The following ITK variants were observed in gnomAD, a reference collection of about 807,000 sequenced individuals.
ITK encodes the protein IL2 inducible T cell kinase.
Under a neutral mutation model 87.6 loss-of-function variants are expected in ITK, and 45 were observed. The ratio of observed to expected loss-of-function variants is 0.51; its 90% CI spans 0.40 to 0.66. ITK has a LOEUF of 0.66. Among genes scored for constraint, ITK ranks in the 30% least tolerant of loss-of-function variants. The probability of loss-of-function intolerance (pLI) is 0.00; values close to 1 mark genes in which losing one functional copy is unlikely to be tolerated. For synonymous variants in ITK, 303 were observed against 273.6 expected, an observed-to-expected ratio of 1.11 and a Z score of -1.06; for missense variants, 605 against 766.3, an observed-to-expected ratio of 0.79 and a Z score of 2.48.
rs369078550 is a variant in ITK, at chr5:157,252,687, G to A, written c.*9G>A. On this transcript the variant is annotated 3_prime_UTR_variant, in exon 17 of 17. Coordinates refer to ENST00000422843, the MANE Select transcript of ITK (RefSeq NM_005546.4). ...CAGAATCAGGACTTTAGTAGAGACT[G>A]AGTACCAGGCCACGGGCTGCAGATC... The A allele has an allele frequency of 5.2e-5, 84 of 1,600,546 alleles. No individual in the cohort carries two copies. The highest frequency in any genetic ancestry group is 8.8e-5 in the South Asian group (8 of 90,828).
At chr5:157,220,416 G>A (rs749822173) in intron 5 of ITK, among the ~76,000 whole-genome samples, 12 of 152,096 alleles carry the variant, frequency 7.9e-5, no homozygotes, top group Admixed American at 1.3e-4. Context: ...GCTTGCTGAG[G>A]GGCCACTAGA....
At chr5:157,214,711 T>A (rs1333585337) in intron 4 of ITK, among the ~76,000 whole-genome samples, 1 of 152,200 alleles carries the variant, frequency 6.6e-6, no homozygotes, top group Non-Finnish European at 1.5e-5. Context: ...TCTATTTAAA[T>A]CTTAATTAAA....
At chr5:157,224,973 G>A (rs77812008) in intron 6 of ITK, among the ~76,000 whole-genome samples, 2,485 of 151,858 alleles carry the variant, frequency 0.016, 28 homozygotes, top group Non-Finnish European at 0.027. Flanking sequence ...ATATATATAT[G>A]ATATATATTT....
intron 1 of ITK, among the ~76,000 whole-genome samples, chr5:157,181,667 C>A (rs1753523668): frequency 6.6e-6 from 1 of 152,170 alleles, no homozygotes; most frequent in Admixed American, 6.6e-5. Context: ...ATTTCCCAGG[C>A]ATTTAATTAT....
intron 5 of ITK, 192 bp from the exon 6 acceptor site, chr5:157,222,671 T>C (rs988804912): frequency 1.6e-6 from 1 of 623,182 alleles, no homozygotes; most frequent in Non-Finnish European, 2.9e-6. Flanking sequence ...GGTCAGAATT[T>C]ACCTCATAGA....
At chr5:157,205,216 A>G (rs1754055511) in intron 1 of ITK, among the ~76,000 whole-genome samples, 1 of 152,198 alleles carries the variant, frequency 6.6e-6, no homozygotes, top group Non-Finnish European at 1.5e-5. Context: ...CCCACTTATC[A>G]GATGTAAAAA....
intron 1 of ITK, among the ~76,000 whole-genome samples, chr5:157,189,748 C>A (rs1251235445): frequency 6.6e-6 from 1 of 152,198 alleles, no homozygotes. Context: ...TAAAACAAGA[C>A]ATGTAAATAT....
In ITK at chr5:157,254,619, A is replaced by T. The variant is rs1056750715; in HGVS notation, c.*1941A>T. ...GTGAAGTGGAGAGCCTCAAGATAAA[A>T]CTCTGTCATTCAGAAGATGATTTTA... On this transcript the variant is annotated 3_prime_UTR_variant, in exon 17 of 17. Transcript: ENST00000422843. 5 of 218,020 alleles carry T rather than the reference A, an allele frequency of 2.3e-5. No homozygotes were observed. Among genetic ancestry groups the T allele is most frequent in the Non-Finnish European group, 2.8e-5 (3 of 108,616 alleles). The allele number at this position is 218,020 out of a possible 1,614,324, so 13.5% of individuals were successfully genotyped here.
At chr5:157,196,878 A>AG (rs2113743561) in intron 1 of ITK, among the ~76,000 whole-genome samples, 1 of 152,318 alleles carries the variant, frequency 6.6e-6, no homozygotes, top group Non-Finnish European at 1.5e-5. Context: ...TCTGGGAGGA[A>AG]GGTCTTTGAA....
At chr5:157,252,252 C>T (rs1423340970) in intron 16 of ITK, among the ~76,000 whole-genome samples, 1 of 152,052 alleles carries the variant, frequency 6.6e-6, no homozygotes, top group Non-Finnish European at 1.5e-5. Flanking sequence ...TGTTCTTTAG[C>T]ATTAATTTCT....
intron 12 of ITK, 159 bp downstream of exon 12, chr5:157,243,953 G>A (rs1203091054): frequency 4.0e-6 from 3 of 752,834 alleles, no homozygotes; most frequent in Middle Eastern, 7.0e-4. Flanking sequence ...CTTCACAGTG[G>A]TCTCCAAGGC....
At position 157,255,173 on chromosome 5, in the gene ITK, A is replaced by G. The variant is rs1031873390; in HGVS notation, c.*2495A>G. The G allele has an allele frequency of 5.5e-6, 1 of 182,018 alleles. No individual in the cohort carries two copies. The highest frequency in any genetic ancestry group is 2.4e-5 in the African/African-American group (1 of 42,516). 11.3% of individuals were successfully genotyped at this position (182,018 alleles called of 1,614,324 possible). ...ATATTAAAGCTGCATTTTAATAAATATGGTGCATAGGGCCTCGGTTCCATA... is the reference window on the plus strand; with the variant it reads ...ATATTAAAGCTGCATTTTAATAAATGTGGTGCATAGGGCCTCGGTTCCATA... On this transcript the variant is annotated 3_prime_UTR_variant, in exon 17 of 17. Transcript: ENST00000422843.
chr5:157,184,821 C>T (rs1330245908), intron 1 of ITK, among the ~76,000 whole-genome samples: 1 of 152,154 alleles, frequency 6.6e-6, no homozygotes, highest in Non-Finnish European at 1.5e-5. Context: ...CTTCTGAAAG[C>T]CCCTCTGGAG....
chr5:157,225,978 T>C (rs528948961), intron 6 of ITK, among the ~76,000 whole-genome samples: 1 of 152,300 alleles, frequency 6.6e-6, no homozygotes, highest in South Asian at 2.1e-4. Flanking sequence ...TCAAAGGGCA[T>C]CAAAGAGGAC....
At chr5:157,202,425 G>A (rs773336920) in intron 1 of ITK, among the ~76,000 whole-genome samples, 9 of 152,088 alleles carry the variant, frequency 5.9e-5, no homozygotes, top group Non-Finnish European at 1.3e-4. Flanking sequence ...TGTTGCCCAG[G>A]CTAGTCTCGA....
intron 6 of ITK, 152 bp from the exon 7 acceptor site, chr5:157,228,144 A>G: frequency 1.6e-6 from 1 of 637,988 alleles, no homozygotes; most frequent in South Asian, 1.7e-5. Flanking sequence ...CGGCCTACCA[A>G]TTCTTGTATT....
chr5:157,215,085 C>T (rs1754272072), intron 4 of ITK, among the ~76,000 whole-genome samples: 1 of 152,142 alleles, frequency 6.6e-6, no homozygotes, highest in African/African-American at 2.4e-5. Context: ...TTATTATGCT[C>T]TTGTTCCTCT....
chr5:157,216,498 A>G (rs1754301913), intron 4 of ITK, among the ~76,000 whole-genome samples: 1 of 152,118 alleles, frequency 6.6e-6, no homozygotes, highest in African/African-American at 2.4e-5. Flanking sequence ...TGAGGCTGAG[A>G]TATAGCCTCA....
intron 7 of ITK, among the ~76,000 whole-genome samples, chr5:157,232,061 T>A (rs947901579): frequency 6.6e-6 from 1 of 152,208 alleles, no homozygotes. Context: ...AAACCTAGCA[T>A]CAACAATGAT....
Sources: gnomAD v4.1 joint callset for allele counts (sites outside exome capture counted in the v4.1 genomes callset) on GRCh38, gnomAD v4.1.1 for gene constraint, MANE v1.5 for transcripts, NCBI Gene and HGNC (gene_info 2026-07-23, HGNC 2026-07-21) for gene names.